SLC26A9: variants seen among roughly 807,000 people sequenced by gnomAD.
SLC26A9 encodes anion transporter/exchanger protein 9.
A neutral mutation model predicts 87.1 loss-of-function variants in SLC26A9; 46 were observed. That is an observed-to-expected ratio of 0.53 (90% CI 0.42 to 0.67). The LOEUF (loss-of-function observed/expected upper bound fraction) is 0.67, where lower values mean the gene tolerates loss of function less well. Among genes scored for constraint, SLC26A9 ranks in the 30% least tolerant of loss-of-function variants. The pLI, the probability that SLC26A9 is intolerant of heterozygous loss-of-function variation, is 0.00. For synonymous variants in SLC26A9, 437 were observed against 409.1 expected, an observed-to-expected ratio of 1.07 and a Z score of -0.82; for missense variants, 927 against 1,018.3, an observed-to-expected ratio of 0.91 and a Z score of 1.22.
rs1305018864 is a variant in SLC26A9, at chr1:205,927,204, C to A, written c.1293+7G>T. On this transcript the variant is annotated splice_region_variant and intron_variant, in intron 11 of 20. Transcript: ENST00000367135. ...CGTTGACTTCTGCTCGATGGCTGGG[C>A]TCTTACCTTAGGGAGAGGATACAGA... The A allele has an allele frequency of 6.2e-7, 1 of 1,614,072 alleles. No homozygotes were observed. Among genetic ancestry groups the A allele is most frequent in the South Asian group, 1.1e-5 (1 of 91,080 alleles).
At chr1:205,916,798 G>C (rs1658610364) in intron 20 of SLC26A9, among the ~76,000 whole-genome samples, 2 of 152,282 alleles carry the variant, frequency 1.3e-5, no homozygotes, top group African/African-American at 4.8e-5. Context: ...AACTTTCAGG[G>C]AGTGAGAAGA....
chr1:205,935,185 G>A (rs890137646), intron 2 of SLC26A9: 2 of 152,670 alleles, frequency 1.3e-5, no homozygotes, highest in African/African-American at 2.4e-5. Context: ...GCGCTGGTAG[G>A]ACTACACCCT....
intron 13 of SLC26A9, among the ~76,000 whole-genome samples, chr1:205,923,879 C>T (rs1361058631): frequency 6.6e-6 from 1 of 152,122 alleles, no homozygotes; most frequent in Non-Finnish European, 1.5e-5. Context: ...TGGTGGGAGT[C>T]GCCCTGAAGT....
intron 1 of SLC26A9, among the ~76,000 whole-genome samples, chr1:205,936,540 G>A (rs1389757117): frequency 6.6e-6 from 1 of 152,160 alleles, no homozygotes; most frequent in African/African-American, 2.4e-5. Flanking sequence ...CGTTCCAGGA[G>A]CTGAGATGGG....
chr1:205,928,101 C>G (rs1358930653), intron 8 of SLC26A9, 52 bp from the exon 9 acceptor site: 1 of 1,581,568 alleles, frequency 6.3e-7, no homozygotes, highest in South Asian at 1.1e-5. Flanking sequence ...GTGGGGAGGG[C>G]AGCCAAGTCC....
Position 205,917,345 on chromosome 1 carries a change from C to T in SLC26A9, c.2266G>A (p.Asp756Asn), listed in dbSNP as rs774184811. 5.0e-6 allele frequency: 8 copies of T among 1,613,852 alleles called. 1 individual carries two copies. The highest frequency in any genetic ancestry group is 6.8e-6 in the Non-Finnish European group (8 of 1,179,974). ...GAGTCGTACAAGGAGAGCTCAGCAT[C>T]CCCTGGAGCCTGGAAGGGAGGAAGC... ...PGHNFQGAPGDAELSLYDSEE... is the reference protein window; with the variant it reads ...PGHNFQGAPGNAELSLYDSEE... The change falls in exon 20 of 21, where the codon GAT becomes AAT. Residue 756 changes from aspartate to asparagine, a missense_variant. Asp to Asn is a conservative substitution (Grantham distance 23). Transcript: ENST00000367135.
chr1:205,916,275 T>TTGTGC (rs1295962176), intron 20 of SLC26A9, among the ~76,000 whole-genome samples: 2 of 152,154 alleles, frequency 1.3e-5, no homozygotes, highest in African/African-American at 2.4e-5. Flanking sequence ...TTTTGTGCTT[T>TTGTGC]TAGTAGAGAC....
intron 16 of SLC26A9, among the ~76,000 whole-genome samples, chr1:205,922,107 C>A (rs985729581): frequency 2.0e-5 from 3 of 152,236 alleles, no homozygotes; most frequent in Non-Finnish European, 4.4e-5. Flanking sequence ...CAAGCCCACT[C>A]TCTCTGGGAG....
chr1:205,929,527 A>G (rs1659223689), intron 6 of SLC26A9, among the ~76,000 whole-genome samples, 171 bp from the exon 7 acceptor site: 2 of 152,194 alleles, frequency 1.3e-5, no homozygotes, highest in Admixed American at 1.3e-4. Flanking sequence ...CCCTTTCCCA[A>G]AAGGCACATG....
intron 6 of SLC26A9, 51 bp downstream of exon 6, chr1:205,929,839 CAT>C (rs1423829239): frequency 2.6e-6 from 4 of 1,536,504 alleles, no homozygotes; most frequent in Non-Finnish European, 2.6e-6. Flanking sequence ...ACATCCTCCT[CAT>C]GTGTCTGCTG....
At chr1:205,931,243 A>C (rs959539125) in intron 5 of SLC26A9, among the ~76,000 whole-genome samples, 1 of 152,184 alleles carries the variant, frequency 6.6e-6, no homozygotes, top group Admixed American at 6.5e-5. Context: ...AGAGAAAATT[A>C]GCAGTCTGCA....
At chr1:205,930,531 G>T (rs930733527) in intron 5 of SLC26A9, among the ~76,000 whole-genome samples, 2 of 152,094 alleles carry the variant, frequency 1.3e-5, no homozygotes, top group Admixed American at 6.6e-5. Context: ...CTCCCAACAG[G>T]TCCCCTGCCT....
intron 13 of SLC26A9, 147 bp from the exon 14 acceptor site, chr1:205,923,760 G>A (rs1658945483): frequency 1.2e-6 from 1 of 809,260 alleles, no homozygotes; most frequent in Non-Finnish European, 2.0e-6. Flanking sequence ...TTTTTGCACT[G>A]GAGACACATG....
chr1:205,923,839 C>T (rs890517718), intron 13 of SLC26A9, among the ~76,000 whole-genome samples: 13 of 152,170 alleles, frequency 8.5e-5, no homozygotes, highest in African/African-American at 3.1e-4. Context: ...TCCCAGACCA[C>T]AGGGCAGGGG....
chr1:205,937,220 G>A (rs1482335018), intron 1 of SLC26A9, among the ~76,000 whole-genome samples: 5 of 121,974 alleles, frequency 4.1e-5, no homozygotes, highest in Admixed American at 9.7e-5. Flanking sequence ...TGGGATGCCC[G>A]GCAAGACCCC....
At chr1:205,928,787 A>C (rs779594276) in intron 8 of SLC26A9, 40 bp downstream of exon 8, 8 of 1,597,032 alleles carry the variant, frequency 5.0e-6, no homozygotes, top group Non-Finnish European at 6.9e-6. Flanking sequence ...GTGGGGCATG[A>C]GGTGCGGGTG....
chr1:205,935,437 G>T (rs1024915922), intron 2 of SLC26A9, among the ~76,000 whole-genome samples: 11 of 152,124 alleles, frequency 7.2e-5, no homozygotes, highest in African/African-American at 2.7e-4. Flanking sequence ...GGTGAATTGA[G>T]AATATGGGAG....
intron 1 of SLC26A9, among the ~76,000 whole-genome samples, chr1:205,936,430 C>G (rs1259779684): frequency 6.6e-6 from 1 of 152,150 alleles, no homozygotes; most frequent in Admixed American, 6.5e-5. Flanking sequence ...GGATGGTCCA[C>G]CTGCCGGCTC....
At chr1:205,928,157 A>T in intron 8 of SLC26A9, 108 bp from the exon 9 acceptor site, 1 of 1,345,276 alleles carries the variant, frequency 7.4e-7, no homozygotes, top group Non-Finnish European at 1.0e-6. Context: ...GTGTGCCGGG[A>T]TCTTTGCCTA....
Sources: gnomAD v4.1 joint callset for allele counts (sites outside exome capture counted in the v4.1 genomes callset) on GRCh38, gnomAD v4.1.1 for gene constraint, MANE v1.5 for transcripts, NCBI Gene and HGNC (gene_info 2026-07-23, HGNC 2026-07-21) for gene names.